CDH12: variants seen among roughly 807,000 people sequenced by gnomAD.
CDH12 encodes cadherin 12.
CDH12 carries 41 observed loss-of-function variants against 74.1 expected under a neutral mutation model. The observed-to-expected ratio is 0.55, with a 90% CI of 0.43 to 0.72. CDH12 has a LOEUF of 0.72. Among genes scored for constraint, CDH12 ranks in the 30% least tolerant of loss-of-function variants. CDH12 has a pLI of 0.00. For missense variants in CDH12, 945 were observed against 977.2 expected, an observed-to-expected ratio of 0.97 and a Z score of 0.44; for synonymous variants, 399 against 355.0, an observed-to-expected ratio of 1.12 and a Z score of -1.39.
At chr5:22,646,166 A>G (rs1051189492) in intron 1 of CDH12, among the ~76,000 whole-genome samples, 1 of 151,890 alleles carries the variant, frequency 6.6e-6, no homozygotes, top group Non-Finnish European at 1.5e-5. Context: ...ACTTATCTTT[A>G]TAGACTCATT....
At chr5:22,165,083 GC>G in intron 4 of CDH12, among the ~76,000 whole-genome samples, 1 of 150,648 alleles carries the variant, frequency 6.6e-6, no homozygotes, top group Non-Finnish European at 1.5e-5. Flanking sequence ...TTTCACTTTG[GC>G]CCCGACATTC....
chr5:21,802,589 T>TTTC (rs1554032177), intron 9 of CDH12, among the ~76,000 whole-genome samples, 169 bp from the exon 10 acceptor site: 4 of 92,368 alleles, frequency 4.3e-5, no homozygotes, highest in Non-Finnish European at 1.0e-4. Context: ...AACCATTTTT[T>TTTC]TTTCTTTTTT....
chr5:22,803,825 A>G (rs1748652446), intron 1 of CDH12, among the ~76,000 whole-genome samples: 1 of 152,174 alleles, frequency 6.6e-6, no homozygotes, highest in Non-Finnish European at 1.5e-5. Context: ...TTTGTATGGT[A>G]TCGTGACATC....
intron 1 of CDH12, among the ~76,000 whole-genome samples, chr5:22,743,281 T>TAG (rs879380578): frequency 7.3e-6 from 1 of 137,290 alleles, no homozygotes; most frequent in Non-Finnish European, 1.6e-5. Context: ...TATATATATA[T>TAG]GTATATATAT....
At chr5:21,989,294 T>G (rs2150134064) in intron 5 of CDH12, among the ~76,000 whole-genome samples, 1 of 152,366 alleles carries the variant, frequency 6.6e-6, no homozygotes, top group Middle Eastern at 3.4e-3. Context: ...AGTGCTTCAA[T>G]GTATTAGTAA....
chr5:22,111,871 A>G (rs1216098080), intron 4 of CDH12, among the ~76,000 whole-genome samples: 1 of 152,150 alleles, frequency 6.6e-6, no homozygotes, highest in Non-Finnish European at 1.5e-5. Flanking sequence ...TTATGAAGGA[A>G]TTGCTTGAAA....
At chr5:21,912,911 C>T (rs1172058137) in intron 6 of CDH12, among the ~76,000 whole-genome samples, 2 of 152,114 alleles carry the variant, frequency 1.3e-5, no homozygotes, top group African/African-American at 4.8e-5. Context: ...GGCCTGATCT[C>T]TACTTATTGC....
chr5:21,822,667 G>A (rs1748437935), intron 8 of CDH12, among the ~76,000 whole-genome samples: 1 of 152,024 alleles, frequency 6.6e-6, no homozygotes, highest in South Asian at 2.1e-4. Context: ...CCAGGATGAG[G>A]CTAGGATGGG....
intron 6 of CDH12, among the ~76,000 whole-genome samples, chr5:21,950,757 TTTATTATTATTATTA>T (rs71609723): frequency 0.17 from 22,793 of 136,870 alleles, 2,185 homozygotes; most frequent in African/African-American, 0.26. Context: ...TAAATTTTAT[TTTATTATTATTATTA>T]TTATTATTAT....
intron 6 of CDH12, among the ~76,000 whole-genome samples, chr5:21,871,185 A>G (rs1322448718): frequency 2.0e-5 from 3 of 152,158 alleles, no homozygotes; most frequent in Admixed American, 6.5e-5. Flanking sequence ...GAACTTATCA[A>G]TTAGGAGAGG....
chr5:22,621,939 T>C (rs1737994309), intron 1 of CDH12, among the ~76,000 whole-genome samples: 1 of 152,114 alleles, frequency 6.6e-6, no homozygotes, highest in Non-Finnish European at 1.5e-5. Context: ...GTTTAAATAA[T>C]CTGTCTTACA....
In CDH12 at chr5:21,868,052, G is replaced by A. The variant is rs558796132; in HGVS notation, c.527-13262C>T. ...TATAAGGGGAAACCCCTTTCACTTGGTTCTCACTCTTGTCTTGTCTGCTGC... is the reference window on the plus strand; with the variant it reads ...TATAAGGGGAAACCCCTTTCACTTGATTCTCACTCTTGTCTTGTCTGCTGC... On this transcript the variant is annotated intron_variant, in intron 6 of 14. Coordinates refer to ENST00000382254, the MANE Select transcript of CDH12 (RefSeq NM_004061.5). Among the ~76,000 whole-genome samples the A allele has an allele frequency of 1.4e-3, 212 of 152,192 alleles. 1 individual carries two copies. Among genetic ancestry groups the A allele is most frequent in the Non-Finnish European group, 2.8e-3 (191 of 68,016 alleles).
chr5:22,135,622 T>G (rs1746419413), intron 4 of CDH12, among the ~76,000 whole-genome samples: 1 of 152,042 alleles, frequency 6.6e-6, no homozygotes, highest in East Asian at 1.9e-4. Flanking sequence ...TCAGACCGAG[T>G]GGTCTTCAGC....
chr5:22,319,121 T>G (rs569263003), intron 3 of CDH12, among the ~76,000 whole-genome samples: 3 of 152,186 alleles, frequency 2.0e-5, no homozygotes, highest in Admixed American at 2.0e-4. Flanking sequence ...GCTACTTAGA[T>G]TTTTAGATTT....
chr5:22,397,974 T>C (rs1266863249), intron 3 of CDH12, among the ~76,000 whole-genome samples: 2 of 152,058 alleles, frequency 1.3e-5, no homozygotes, highest in South Asian at 2.1e-4. Context: ...GATCTTGGAA[T>C]TCTAGCCTCC....
chr5:21,965,279 G>A lies in CDH12; in HGVS notation c.526+9812C>T, dbSNP rs532178987. On this transcript the variant is annotated intron_variant, in intron 6 of 14. Coordinates refer to ENST00000382254, the MANE Select transcript of CDH12 (RefSeq NM_004061.5). ...CATTTCACTGTCAAACAAAATGTACGCTATTGATTAAACACAGGCAAAAAG... is the reference window on the plus strand; with the variant it reads ...CATTTCACTGTCAAACAAAATGTACACTATTGATTAAACACAGGCAAAAAG... Among the ~76,000 whole-genome samples the A allele has an allele frequency of 4.6e-5, 7 of 151,934 alleles. No homozygotes were observed. In the East Asian group the frequency reaches 1.2e-3, roughly 25 times the overall value.
At chr5:22,338,577 T>C (rs774913640) in intron 3 of CDH12, among the ~76,000 whole-genome samples, 7 of 152,154 alleles carry the variant, frequency 4.6e-5, no homozygotes, top group Non-Finnish European at 1.0e-4. Context: ...CTAAAAGTTT[T>C]TTTGTAACAT....
At chr5:22,768,048 A>G (rs1746611582) in intron 1 of CDH12, among the ~76,000 whole-genome samples, 1 of 152,046 alleles carries the variant, frequency 6.6e-6, no homozygotes, top group African/African-American at 2.4e-5. Context: ...AAATTTGATC[A>G]TGGTTTTTGG....
chr5:22,511,340 T>C (rs766583695), intron 1 of CDH12, among the ~76,000 whole-genome samples: 12 of 152,146 alleles, frequency 7.9e-5, no homozygotes, highest in Non-Finnish European at 1.0e-4. Context: ...AGAAAATATT[T>C]CCAATCATGG....
Sources: allele counts gnomAD v4.1 joint callset (sites outside exome capture counted in the v4.1 genomes callset), GRCh38; gene constraint gnomAD v4.1.1; transcripts MANE v1.5; gene names NCBI Gene and HGNC (gene_info 2026-07-23, HGNC 2026-07-21).